The following PIK3CD variants were observed in gnomAD, a reference collection of about 807,000 sequenced individuals.
The protein encoded by PIK3CD is phosphatidylinositol 4,5-bisphosphate 3-kinase catalytic subunit delta isoform.
A neutral mutation model predicts 122.9 loss-of-function variants in PIK3CD; 20 were observed. The observed-to-expected ratio is 0.16, with a 90% CI of 0.11 to 0.24. The LOEUF (loss-of-function observed/expected upper bound fraction) is 0.24, where lower values mean the gene tolerates loss of function less well. Among genes scored for constraint, PIK3CD ranks in the 10% least tolerant of loss-of-function variants. The pLI, the probability that PIK3CD is intolerant of heterozygous loss-of-function variation, is 1.00. For missense variants in PIK3CD, 787 were observed against 1,406.3 expected (o/e 0.56, Z 7.04); for synonymous variants, 596 against 593.4 (o/e 1.00, Z -0.06).
rs774975564 is a variant in PIK3CD at position 9,701,395 on chromosome 1, G to GGCGC, written c.-32-9027_-32-9024dup. Among the ~76,000 whole-genome samples, 32 of 152,254 alleles carry GGCGC rather than the reference G, an allele frequency of 2.1e-4. No homozygotes were observed. In the East Asian group the frequency reaches 3.3e-3, roughly 16 times the overall value. ...GAGACAAAACATAAAATCAAAGCCG[G>GGCGC]GCGCGGTGGCTCACGCCTGTAATCC... On this transcript the variant is annotated intron_variant, in intron 2 of 23. Coordinates refer to ENST00000377346, the MANE Select transcript of PIK3CD (RefSeq NM_005026.5).
At chr1:9,637,408 A>G in the PIK3CD span, among the ~76,000 whole-genome samples, 14 of 152,176 alleles carry the variant, frequency 9.2e-5, no homozygotes, top group Non-Finnish European at 2.1e-4. Context: ...GTGCACCTAC[A>G]GTCCCAGCTA....
intron 2 of PIK3CD, among the ~76,000 whole-genome samples, chr1:9,696,729 A>ACCCC (rs1432031913): frequency 0.013 from 2,027 of 151,740 alleles, 45 homozygotes; most frequent in African/African-American, 0.046. Flanking sequence ...CTGTCCCAAA[A>ACCCC]AAAAAAAAAG....
intron 1 of PIK3CD, among the ~76,000 whole-genome samples, chr1:9,659,975 G>A (rs973600897): frequency 1.3e-5 from 2 of 152,122 alleles, no homozygotes; most frequent in African/African-American, 4.8e-5. Flanking sequence ...GAGTGCAATG[G>A]CGCGATCTTG....
At chr1:9,653,938 G>T in intron 1 of PIK3CD, 1 of 1,363,894 alleles carries the variant, frequency 7.3e-7, no homozygotes, top group Non-Finnish European at 9.8e-7. Flanking sequence ...GAGAGCGGTA[G>T]CTCATACCTG....
Position 9,721,157 on chromosome 1 carries a change from C to T in PIK3CD, c.1720C>T (p.Leu574=). The change falls in exon 14 of 24, where the codon CTG becomes TTG. Residue 574 remains leucine, a synonymous_variant. Transcript: ENST00000377346. ...CTACCTGCTGTGCTCCTGGCCGGAG[C>T]TGCCCGTCCTGAGCGCCCTGGAGCT... ...MLYLLCSWPE[L]PVLSALELLD... 6.2e-7 allele frequency: 1 copy of T among 1,612,860 alleles called. No homozygotes were observed. Among genetic ancestry groups the T allele is most frequent in the Non-Finnish European group, 8.5e-7 (1 of 1,179,970 alleles).
chr1:9,654,030 C>G, intron 1 of PIK3CD: 1 of 1,264,238 alleles, frequency 7.9e-7, no homozygotes, highest in Non-Finnish European at 1.1e-6. Context: ...ATTACAGTGC[C>G]ACTGCGCTCC....
the PIK3CD span, among the ~76,000 whole-genome samples, chr1:9,635,919 G>C: frequency 6.6e-6 from 1 of 152,266 alleles, no homozygotes; most frequent in Non-Finnish European, 1.5e-5. Context: ...CTGGAGCCCA[G>C]ACAGATGAAA....
intron 1 of PIK3CD, chr1:9,654,003 C>G (rs1557587910): frequency 3.0e-6 from 4 of 1,315,698 alleles, no homozygotes; most frequent in South Asian, 1.2e-5. Context: ...GCCAGGAGTT[C>G]AAGGTTGCAG....
intron 5 of PIK3CD, 79 bp downstream of exon 5, chr1:9,716,157 C>T (rs1647388180): frequency 8.4e-6 from 10 of 1,189,788 alleles, no homozygotes; most frequent in Non-Finnish European, 1.2e-5. Context: ...CCTCAGTCAT[C>T]CGCAAGCCCC....
At position 9,694,033 on chromosome 1, in the gene PIK3CD, C is replaced by T. The variant is rs923569701; in HGVS notation, c.-33+2462C>T. 2.0e-4 allele frequency among the ~76,000 whole-genome samples: 30 copies of T among 152,142 alleles called. 1 individual carries two copies. On this transcript the variant is annotated intron_variant, in intron 2 of 23. Transcript: ENST00000377346. ...TGTTTTCAGAGAGGTTGGCCCAGCCCAGGGCAGCAGAGGCACTGCATGGAG... is the reference window on the plus strand; with the variant it reads ...TGTTTTCAGAGAGGTTGGCCCAGCCTAGGGCAGCAGAGGCACTGCATGGAG...
In PIK3CD at chr1:9,721,614, G is replaced by A. The variant is rs201023106; in HGVS notation, c.1955+27G>A. On this transcript the variant is annotated intron_variant, in intron 15 of 23. Transcript: ENST00000377346. ...TAGCGGGACTTGCCCCAGCCGTTCT[G>A]TGGGAATCCCAGCCCCTGAGTCTCC... 257 of 1,612,006 alleles carry A rather than the reference G, an allele frequency of 1.6e-4. 1 individual carries two copies. In the African/African-American group the frequency reaches 3.0e-3, roughly 19 times the overall value.
chr1:9,669,856 C>T (rs1490230067), intron 1 of PIK3CD, among the ~76,000 whole-genome samples: 1 of 152,100 alleles, frequency 6.6e-6, no homozygotes. Flanking sequence ...TTTCTCGTTA[C>T]ACATCCTTCT....
Position 9,720,044 on chromosome 1 carries a change from C to A in PIK3CD, c.1339+27C>A. 1 of 1,613,346 alleles carries A rather than the reference C, an allele frequency of 6.2e-7. No individual in the cohort carries two copies. The highest frequency in any genetic ancestry group is 8.5e-7 in the Non-Finnish European group (1 of 1,179,860). On this transcript the variant is annotated intron_variant, in intron 10 of 23. Coordinates refer to ENST00000377346, the MANE Select transcript of PIK3CD (RefSeq NM_005026.5). The surrounding 1 kb of genome is among the most constrained non-coding windows in gnomAD (Gnocchi z 9.0). ...TCGGCCCAGGCCCAGGAGGGAGAGG[C>A]GTTGGGAGTGTGAGGGTCCCAGAGA...
intron 1 of PIK3CD, among the ~76,000 whole-genome samples, chr1:9,673,316 A>G (rs967481156): frequency 2.0e-5 from 3 of 151,868 alleles, no homozygotes; most frequent in African/African-American, 7.3e-5. Flanking sequence ...CTGGCGTGTA[A>G]TGGTGCGATC....
chr1:9,641,540 C>T, the PIK3CD span, among the ~76,000 whole-genome samples: 5 of 152,114 alleles, frequency 3.3e-5, no homozygotes, highest in Admixed American at 3.3e-4. Context: ...GTGTGTTTTA[C>T]AGAAAGAATT....
chr1:9,712,415 G>T (rs9430217), intron 3 of PIK3CD, among the ~76,000 whole-genome samples: 2,467 of 152,056 alleles, frequency 0.016, 35 homozygotes, highest in Non-Finnish European at 0.024. Flanking sequence ...CAAGTAGCTG[G>T]GACTACAGGC....
upstream of PIK3CD, among the ~76,000 whole-genome samples, chr1:9,651,436 T>C (rs1180605986): frequency 6.6e-6 from 1 of 152,190 alleles, no homozygotes; most frequent in Non-Finnish European, 1.5e-5. Context: ...CTTTCCTGCG[T>C]GAAGGCGGAG....
chr1:9,638,688 C>T, the PIK3CD span, among the ~76,000 whole-genome samples: 1 of 142,466 alleles, frequency 7.0e-6, no homozygotes, highest in Non-Finnish European at 1.5e-5. Flanking sequence ...GCCGAGATTG[C>T]ACCACTGCAC....
chr1:9,710,265 C>T lies in PIK3CD; in HGVS notation c.-32-159C>T, dbSNP rs1020416082. ...GAGCCACAAGCCACCCTGGGCAGGA[C>T]GAGGCCCTGAGGGAGGTGAGCTTTT... On this transcript the variant is annotated intron_variant, in intron 2 of 23. Transcript: ENST00000377346. This position sits in a 1 kb window ranked among gnomAD's most constrained non-coding sequence, Gnocchi z 4.7. 1.7e-5 allele frequency: 11 copies of T among 657,702 alleles called. No individual in the cohort carries two copies. The highest frequency in any genetic ancestry group is 7.1e-5 in the African/African-American group (4 of 56,670). 40.7% of individuals were successfully genotyped at this position (657,702 alleles called of 1,614,324 possible).
Sources: gnomAD v4.1 joint callset for allele counts (sites outside exome capture counted in the v4.1 genomes callset) on GRCh38, gnomAD v4.1.1 for gene constraint, Gnocchi (gnomAD v3.1) non-coding constraint, MANE v1.5 for transcripts, NCBI Gene and HGNC (gene_info 2026-07-23, HGNC 2026-07-21) for gene names.